The following SMARCA1 variants were observed in gnomAD, a reference collection of about 807,000 sequenced individuals.
SMARCA1 encodes SWI/SNF-related matrix-associated actin-dependent regulator of chromatin subfamily A member 1.
Under a neutral mutation model 93.6 loss-of-function variants are expected in SMARCA1, and 17 were observed. That is an observed-to-expected ratio of 0.18 (90% confidence interval 0.12 to 0.27). The LOEUF is 0.27. SMARCA1 is among the 10% of genes least tolerant of loss of function. The pLI, the probability that SMARCA1 is intolerant of heterozygous loss-of-function variation, is 1.00. For synonymous variants in SMARCA1, 271 were observed against 271.4 expected (o/e 1.00, Z 0.01); for missense variants, 630 against 819.0 (o/e 0.77, Z 2.82).
chrX:129,461,542 C>T (rs1230000302), intron 23 of SMARCA1, among the ~76,000 whole-genome samples: 1 of 111,800 alleles, frequency 8.9e-6, no homozygotes, highest in African/African-American at 3.2e-5. Flanking sequence ...ACTCTCCTGA[C>T]ATTCATTTCC....
Position 129,504,549 on chromosome X carries a change from TAAAAAAA to T in SMARCA1, c.1167+178_1167+184del, listed in dbSNP as rs780225300. 1.1e-3 allele frequency among the ~76,000 whole-genome samples: 26 copies of T among 24,195 alleles called. No individual in the cohort carries two copies. In the South Asian group the frequency reaches 0.02, roughly 19 times the overall value. The allele number at this position is 24,195 out of a possible 115,157, so 21.0% of individuals were successfully genotyped here. A position where few individuals can be genotyped will look rare whatever the true frequency, so the allele number is the denominator to read the frequency against. On this transcript the variant is annotated intron_variant, in intron 9 of 24. Transcript: ENST00000371121. ...GAGAGAGGCTGAGGACATAGAGGAATAAAAAAAAAAAAAAAAAAAAAAAAAAAAAAAA... is the reference window on the plus strand; with the variant it reads ...GAGAGAGGCTGAGGACATAGAGGAATAAAAAAAAAAAAAAAAAAAAAAAAA...
intron 23 of SMARCA1, among the ~76,000 whole-genome samples, chrX:129,452,520 A>T (rs1362996214): frequency 8.9e-6 from 1 of 112,692 alleles, no homozygotes; most frequent in Admixed American, 9.4e-5. Flanking sequence ...TTGGTTTTTT[A>T]AAATGTTACA....
At chrX:129,464,567 C>T (rs773411762) in intron 23 of SMARCA1, among the ~76,000 whole-genome samples, 19 of 112,329 alleles carry the variant, frequency 1.7e-4, no homozygotes, top group African/African-American at 5.8e-4. Flanking sequence ...TGGAGGAAAT[C>T]ACATAAGCTA....
intron 21 of SMARCA1, among the ~76,000 whole-genome samples, chrX:129,468,567 A>G (rs888858101): frequency 9.8e-5 from 11 of 112,214 alleles, no homozygotes; most frequent in Non-Finnish European, 1.7e-4. Flanking sequence ...TAGCTAGGTG[A>G]TAGAGACAAT....
chrX:129,480,070 A>G (rs942726983), intron 19 of SMARCA1, among the ~76,000 whole-genome samples: 1 of 112,184 alleles, frequency 8.9e-6, no homozygotes, highest in African/African-American at 3.2e-5. Flanking sequence ...TAGGAAGTCA[A>G]TTTCAACATA....
At chrX:129,506,413 G>A (rs933021800) in intron 7 of SMARCA1, among the ~76,000 whole-genome samples, 1 of 111,046 alleles carries the variant, frequency 9.0e-6, no homozygotes, top group Non-Finnish European at 1.9e-5. Flanking sequence ...CAAGCCAGGC[G>A]CAGTGGCTCA....
chrX:129,498,032 G>A lies in SMARCA1; in HGVS notation c.1317C>T (p.Asn439=). 1.7e-6 allele frequency: 2 copies of A among 1,198,010 alleles called. No individual in the cohort carries two copies. The highest frequency in any genetic ancestry group is 2.3e-6 in the Non-Finnish European group (2 of 883,082). The change falls in exon 11 of 25, where the codon AAC becomes AAT. Residue 439 remains asparagine (N), a synonymous_variant. Transcript: ENST00000371121. ...GCATCTTGTCCATCTTGCCAGAAGA[G>A]TTTAAAACATCAATATCTTTCATCA... The part of the protein sequence containing the change: ...KILMKDIDVL[N]SSGKMDKMRL...
chrX:129,483,555 A>C (rs1933774759), intron 17 of SMARCA1, among the ~76,000 whole-genome samples: 1 of 112,172 alleles, frequency 8.9e-6, no homozygotes, highest in Non-Finnish European at 1.9e-5. Context: ...TATCTTTCTC[A>C]ATTGGAGTAA....
At chrX:129,473,741 C>T (rs1933247069) in intron 19 of SMARCA1, among the ~76,000 whole-genome samples, 1 of 111,801 alleles carries the variant, frequency 8.9e-6, no homozygotes, top group South Asian at 3.7e-4. Context: ...AATTCTAGAA[C>T]AAAAATTTAA....
intron 9 of SMARCA1, among the ~76,000 whole-genome samples, chrX:129,500,434 G>A (rs1012979345): frequency 8.9e-6 from 1 of 112,621 alleles, no homozygotes; most frequent in African/African-American, 3.2e-5. Context: ...CCAAAGTGCT[G>A]GGATTACAGG....
At chrX:129,489,170 T>C (rs1458939427) in intron 15 of SMARCA1, 85 bp from the exon 16 acceptor site, 4 of 589,880 alleles carry the variant, frequency 6.8e-6, no homozygotes, top group Non-Finnish European at 2.7e-6. Flanking sequence ...ATTATCACAT[T>C]TAACCACACA....
chrX:129,461,011 T>G (rs1174046309), intron 23 of SMARCA1, among the ~76,000 whole-genome samples: 1 of 112,409 alleles, frequency 8.9e-6, no homozygotes, highest in Non-Finnish European at 1.9e-5. Context: ...AAGCTGTGAT[T>G]TGAAAACAAG....
intron 19 of SMARCA1, among the ~76,000 whole-genome samples, chrX:129,479,715 T>G (rs12012174): frequency 0.024 from 2,091 of 87,100 alleles, 61 homozygotes; most frequent in African/African-American, 0.1. Flanking sequence ...ATTTTATTTT[T>G]GGGACAGAGT....
chrX:129,482,064 A>C (rs1360615891), intron 17 of SMARCA1, among the ~76,000 whole-genome samples: 7 of 95,010 alleles, frequency 7.4e-5, no homozygotes, highest in Non-Finnish European at 1.5e-4. Context: ...CATCATTCTC[A>C]GTAAACTATC....
At chrX:129,506,758 C>G (rs1726818120) in intron 7 of SMARCA1, among the ~76,000 whole-genome samples, 1 of 107,639 alleles carries the variant, frequency 9.3e-6, no homozygotes, top group Non-Finnish European at 1.9e-5. Context: ...ACCCTCCCCC[C>G]AACTTCAAAA....
chrX:129,481,579 A>C (rs999129587), intron 17 of SMARCA1, among the ~76,000 whole-genome samples: 2 of 111,879 alleles, frequency 1.8e-5, no homozygotes, highest in African/African-American at 6.5e-5. Context: ...ACACATGAAA[A>C]AATGCTCATC....
At chrX:129,477,520 G>C (rs1933442806) in intron 19 of SMARCA1, among the ~76,000 whole-genome samples, 1 of 110,699 alleles carries the variant, frequency 9.0e-6, no homozygotes, top group Admixed American at 9.6e-5. Context: ...TCACGCCACT[G>C]CACTCCAGCC....
chrX:129,472,403 T>C (rs1241300277), intron 19 of SMARCA1, among the ~76,000 whole-genome samples: 5 of 111,525 alleles, frequency 4.5e-5, no homozygotes, highest in Non-Finnish European at 7.5e-5. Context: ...TTTACTACCC[T>C]GTAATTATAA....
chrX:129,462,354 T>C (rs890457952), intron 23 of SMARCA1, among the ~76,000 whole-genome samples: 1 of 111,844 alleles, frequency 8.9e-6, no homozygotes, highest in African/African-American at 3.2e-5. Flanking sequence ...TGGGGCAGTT[T>C]CTCTTCCTAG....
Sources: gnomAD v4.1 joint callset for allele counts (sites outside exome capture counted in the v4.1 genomes callset) on GRCh38, gnomAD v4.1.1 for gene constraint, MANE v1.5 for transcripts, NCBI Gene and HGNC (gene_info 2026-07-23, HGNC 2026-07-21) for gene names.